ZCCHC7: variants seen among roughly 807,000 people sequenced by gnomAD.
The protein encoded by ZCCHC7 is zinc finger CCHC-type containing 7.
Under a neutral mutation model 52.0 loss-of-function variants are expected in ZCCHC7, and 35 were observed. That is an observed-to-expected ratio of 0.67 (90% CI 0.51 to 0.89). The LOEUF (loss-of-function observed/expected upper bound fraction) is 0.89, where lower values mean the gene tolerates loss of function less well. Among genes scored for constraint, ZCCHC7 ranks in the 40% least tolerant of loss-of-function variants. The pLI, the probability that ZCCHC7 is intolerant of heterozygous loss-of-function variation, is 0.00. For synonymous variants in ZCCHC7, 217 were observed against 221.5 expected (o/e 0.98, Z 0.18); for missense variants, 574 against 649.1 (o/e 0.88, Z 1.26).
At chr9:37,176,193 C>A (rs1361675249) in intron 2 of ZCCHC7, among the ~76,000 whole-genome samples, 1 of 152,118 alleles carries the variant, frequency 6.6e-6, no homozygotes, top group Non-Finnish European at 1.5e-5. Context: ...CCTGCCTCAG[C>A]CTCAAGGAGT....
At chr9:37,331,158 G>GT (rs1018037225) in intron 6 of ZCCHC7, among the ~76,000 whole-genome samples, 7 of 151,366 alleles carry the variant, frequency 4.6e-5, no homozygotes, top group Admixed American at 1.3e-4. Flanking sequence ...AGCCTTAATT[G>GT]TTTTTTTATA....
rs964343695 is a variant in ZCCHC7 at position 37,331,349 on chromosome 9, T to G, written c.987+3515T>G. ...TAAGTAACAATATTACATTTCATTTTGCCACTTAGTTTTCTGTCCTTACCT... is the reference window on the plus strand; with the variant it reads ...TAAGTAACAATATTACATTTCATTTGGCCACTTAGTTTTCTGTCCTTACCT... On this transcript the variant is annotated intron_variant, in intron 6 of 8. Coordinates refer to ENST00000336755, the MANE Select transcript of ZCCHC7 (RefSeq NM_032226.3). Among the ~76,000 whole-genome samples the G allele has an allele frequency of 2.0e-4, 30 of 151,726 alleles. 1 individual carries two copies. Among genetic ancestry groups the G allele is most frequent in the African/African-American group, 6.7e-4 (28 of 41,508 alleles).
chr9:37,130,993 CTG>C (rs1842755769), intron 2 of ZCCHC7, among the ~76,000 whole-genome samples: 1 of 152,068 alleles, frequency 6.6e-6, no homozygotes, highest in Non-Finnish European at 1.5e-5. Flanking sequence ...ACCTCTTTAT[CTG>C]TGAAAACTTC....
At chr9:37,286,082 G>A (rs1828194758) in intron 2 of ZCCHC7, among the ~76,000 whole-genome samples, 1 of 152,148 alleles carries the variant, frequency 6.6e-6, no homozygotes, top group Non-Finnish European at 1.5e-5. Flanking sequence ...TAATTGTCAT[G>A]TGGTACATGA....
At chr9:37,210,509 G>C (rs1408142552) in intron 2 of ZCCHC7, among the ~76,000 whole-genome samples, 1 of 152,128 alleles carries the variant, frequency 6.6e-6, no homozygotes. Context: ...TTCAGGAGTA[G>C]TGTATAATAA....
At chr9:37,298,186 CT>C (rs1022857732) in intron 2 of ZCCHC7, among the ~76,000 whole-genome samples, 1 of 152,158 alleles carries the variant, frequency 6.6e-6, no homozygotes, top group Non-Finnish European at 1.5e-5. Flanking sequence ...TTTCTCATAA[CT>C]ACTATGCAGT....
intron 2 of ZCCHC7, among the ~76,000 whole-genome samples, chr9:37,152,794 CT>C (rs1023813765): frequency 9.2e-5 from 14 of 152,084 alleles, no homozygotes; most frequent in African/African-American, 2.9e-4. Flanking sequence ...TGAAGGTATT[CT>C]TTTTTCCCCC....
intron 5 of ZCCHC7, among the ~76,000 whole-genome samples, chr9:37,311,568 C>A (rs1171021993): frequency 2.0e-5 from 3 of 152,146 alleles, no homozygotes; most frequent in Non-Finnish European, 4.4e-5. Context: ...AGCCACAACA[C>A]CTGGCCAATT....
At chr9:37,270,830 A>C (rs1417298705) in intron 2 of ZCCHC7, among the ~76,000 whole-genome samples, 2 of 151,418 alleles carry the variant, frequency 1.3e-5, no homozygotes, top group African/African-American at 4.8e-5. Flanking sequence ...TAGTAGTAGA[A>C]GAGGAGGAGC....
Position 37,126,839 on chromosome 9 carries a change from AG to A in ZCCHC7, c.509del (p.Gly170ValfsTer14). On this transcript the variant is annotated frameshift_variant, in exon 2 of 9. Transcript: ENST00000336755. LOFTEE classifies it high-confidence loss of function. ...AAGAGGAAGAGAGCACCATTTCAGA[AG>A]GTGATAATGTGGAAAGCTGGATGCT... Reference protein sequence around the residue: ...SEEEESTISEGDNVESWMLLG... With the variant: ...SEEEESTISEXDNVESWMLLG... The A allele has an allele frequency of 6.2e-7, 1 of 1,614,170 alleles. No homozygotes were observed. Among genetic ancestry groups the A allele is most frequent in the Non-Finnish European group, 8.5e-7 (1 of 1,180,024 alleles).
chr9:37,302,254 A>G, intron 3 of ZCCHC7, 23 bp downstream of exon 3: 1 of 1,567,962 alleles, frequency 6.4e-7, no homozygotes, highest in East Asian at 2.2e-5. Flanking sequence ...TGTTTTTAAA[A>G]TTCAGAATAA....
chr9:37,242,462 C>T (rs989592317), intron 2 of ZCCHC7, among the ~76,000 whole-genome samples: 2 of 151,764 alleles, frequency 1.3e-5, no homozygotes, highest in Non-Finnish European at 3.0e-5. Flanking sequence ...TGGGATGGTG[C>T]TGTCAGTGGA....
At chr9:37,161,581 A>T (rs543099893) in intron 2 of ZCCHC7, among the ~76,000 whole-genome samples, 1 of 152,266 alleles carries the variant, frequency 6.6e-6, no homozygotes, top group South Asian at 2.1e-4. Flanking sequence ...TCTCAAAAAA[A>T]AAAGAAAAAA....
intron 2 of ZCCHC7, chr9:37,284,058 T>C (rs534790923): frequency 7.9e-5 from 12 of 152,162 alleles, no homozygotes; most frequent in Non-Finnish European, 1.6e-4. Context: ...GGAAATCCCA[T>C]TGATGGGCCA....
At chr9:37,164,498 T>TAGATAGACAGACAGAC (rs755789110) in intron 2 of ZCCHC7, among the ~76,000 whole-genome samples, 2 of 134,904 alleles carry the variant, frequency 1.5e-5, no homozygotes, top group South Asian at 2.4e-4. Flanking sequence ...GATAGATAGA[T>TAGATAGACAGACAGAC]AGACAGACAA....
At chr9:37,320,987 C>CTTTTTTTTT (rs11303114) in intron 5 of ZCCHC7, among the ~76,000 whole-genome samples, 12 of 116,218 alleles carry the variant, frequency 1.0e-4, no homozygotes, top group Non-Finnish European at 1.6e-4. Flanking sequence ...TTTCTTTTTT[C>CTTTTTTTTT]TTTTTTTTTT....
At chr9:37,266,339 T>G (rs1827106826) in intron 2 of ZCCHC7, among the ~76,000 whole-genome samples, 1 of 152,136 alleles carries the variant, frequency 6.6e-6, no homozygotes, top group African/African-American at 2.4e-5. Flanking sequence ...ACTATGAAAC[T>G]CAGAGGAGCT....
chr9:37,339,549 GGTT>G (rs1650268452), intron 6 of ZCCHC7, among the ~76,000 whole-genome samples: 1 of 152,174 alleles, frequency 6.6e-6, no homozygotes, highest in Non-Finnish European at 1.5e-5. Context: ...GAAAGAATAA[GGTT>G]GTTCTCAAAC....
At chr9:37,156,590 T>C (rs1820826625) in intron 2 of ZCCHC7, among the ~76,000 whole-genome samples, 1 of 152,224 alleles carries the variant, frequency 6.6e-6, no homozygotes, top group Non-Finnish European at 1.5e-5. Context: ...TTTGTATAAA[T>C]GTTTTTGACT....
Sources: gnomAD v4.1 joint callset for allele counts (sites outside exome capture counted in the v4.1 genomes callset) on GRCh38, gnomAD v4.1.1 for gene constraint, MANE v1.5 for transcripts, NCBI Gene and HGNC (gene_info 2026-07-23, HGNC 2026-07-21) for gene names.